Variants in KIAA1217 observed in about 807,000 individuals in gnomAD.
KIAA1217 encodes the protein sickle tail protein homolog.
In KIAA1217, 88 loss-of-function variants were observed where a neutral mutation model predicts 163.9. The observed-to-expected ratio is 0.54, with a 90% CI of 0.45 to 0.64. The LOEUF (loss-of-function observed/expected upper bound fraction) is 0.64, where lower values mean the gene tolerates loss of function less well. Among genes scored for constraint, KIAA1217 ranks in the 30% least tolerant of loss-of-function variants. The probability of loss-of-function intolerance (pLI) is 0.00; values close to 1 mark genes in which losing one functional copy is unlikely to be tolerated. For synonymous variants in KIAA1217, 903 were observed against 923.1 expected, an observed-to-expected ratio of 0.98 and a Z score of 0.39; for missense variants, 2,372 against 2,475.0, an observed-to-expected ratio of 0.96 and a Z score of 0.88.
At chr10:24,487,187 A>G (rs2065511060) in intron 6 of KIAA1217, among the ~76,000 whole-genome samples, 1 of 152,210 alleles carries the variant, frequency 6.6e-6, no homozygotes, top group African/African-American at 2.4e-5. Context: ...CTCACCTATT[A>G]TAAGAACTTG....
Position 23,811,289 on chromosome 10 carries a change from C to T in KIAA1217, c.-321+116055C>T, listed in dbSNP as rs572774572. Among the ~76,000 whole-genome samples, 37 of 143,646 alleles carry T rather than the reference C, an allele frequency of 2.6e-4. 1 individual carries two copies. Among genetic ancestry groups the T allele is most frequent in the African/African-American group, 9.4e-4 (37 of 39,290 alleles). 94.2% of individuals were successfully genotyped at this position (143,646 alleles called of 152,430 possible). A position where few individuals can be genotyped will look rare whatever the true frequency, so the allele number is the denominator to read the frequency against. Reference sequence around the variant, plus strand: ...GTATCTATATATAGATTATACATAGCATATATAGTATGTGTATATATTATA... The same window carrying T: ...GTATCTATATATAGATTATACATAGTATATATAGTATGTGTATATATTATA... On this transcript the variant is annotated intron_variant, in intron 1 of 18. Transcript: ENST00000376462.
chr10:24,495,323 ATTC>A (rs2066656014), intron 8 of KIAA1217, 127 bp downstream of exon 8: 1 of 663,338 alleles, frequency 1.5e-6, no homozygotes, highest in South Asian at 2.3e-5. Context: ...ATTCCTAGAT[ATTC>A]CTGCCAATAC....
intron 6 of KIAA1217, among the ~76,000 whole-genome samples, chr10:24,486,165 G>T (rs1392060405): frequency 6.6e-6 from 1 of 152,168 alleles, no homozygotes; most frequent in Non-Finnish European, 1.5e-5. Context: ...TCTCCCAAGA[G>T]GTCTCTCCAC....
chr10:23,938,913 A>C (rs1843644797), intron 1 of KIAA1217, among the ~76,000 whole-genome samples: 1 of 152,244 alleles, frequency 6.6e-6, no homozygotes, highest in South Asian at 2.1e-4. Flanking sequence ...ACCTGTAATG[A>C]GAAAAAATAC....
Position 24,487,566 on chromosome 10 carries a change from A to T in KIAA1217, c.1680-6934A>T, listed in dbSNP as rs940566319. On this transcript the variant is annotated intron_variant, in intron 6 of 20. Transcript: ENST00000376454. The stretch of plus-strand genomic sequence containing the variant: ...CTCATTGCCAGTTTTCATTCTGTCA[A>T]CACCTCAGTGAATTTATGAAGAAAG... Among the ~76,000 whole-genome samples, 3 of 152,224 alleles carry T rather than the reference A, an allele frequency of 2.0e-5. No individual in the cohort carries two copies. The South Asian group carries it at 6.2e-4, about 32-fold the overall frequency.
intron 2 of KIAA1217, among the ~76,000 whole-genome samples, chr10:24,319,524 A>G (rs1215879277): frequency 2.0e-5 from 3 of 152,224 alleles, no homozygotes; most frequent in Admixed American, 2.0e-4. Context: ...TGAAATTGGC[A>G]TAGGCGAGAA....
chr10:24,401,360 A>C (rs753569521), intron 3 of KIAA1217, among the ~76,000 whole-genome samples: 1 of 152,152 alleles, frequency 6.6e-6, no homozygotes, highest in Non-Finnish European at 1.5e-5. Context: ...TAAGCAAATC[A>C]GATTCATCAA....
chr10:24,460,078 T>C (rs773632392), intron 5 of KIAA1217, among the ~76,000 whole-genome samples: 2 of 152,262 alleles, frequency 1.3e-5, no homozygotes, highest in Non-Finnish European at 2.9e-5. Flanking sequence ...TCAGAGCCAC[T>C]GGCCTGGCCC....
At chr10:24,145,204 C>T (rs549883816) in intron 2 of KIAA1217, among the ~76,000 whole-genome samples, 4 of 152,272 alleles carry the variant, frequency 2.6e-5, no homozygotes, top group South Asian at 2.1e-4. Context: ...ACCCATTTCC[C>T]GCGGTCACAC....
chr10:24,505,230 C>T (rs1300885481), intron 9 of KIAA1217, among the ~76,000 whole-genome samples: 1 of 150,618 alleles, frequency 6.6e-6, no homozygotes, highest in East Asian at 1.9e-4. Flanking sequence ...CAATGCACCT[C>T]ATTCCCAGTG....
intron 2 of KIAA1217, among the ~76,000 whole-genome samples, chr10:24,319,743 T>C (rs1260254852): frequency 1.3e-5 from 2 of 152,202 alleles, no homozygotes; most frequent in African/African-American, 4.8e-5. Context: ...CAACTGGCCC[T>C]TGAAAGGAGC....
intron 2 of KIAA1217, among the ~76,000 whole-genome samples, chr10:24,139,290 T>A (rs1317450810): frequency 6.6e-6 from 1 of 152,132 alleles, no homozygotes; most frequent in African/African-American, 2.4e-5. Context: ...TAATTATACA[T>A]ACTCTAACTA....
chr10:24,456,101 G>T (rs1409222873), intron 5 of KIAA1217, among the ~76,000 whole-genome samples: 1 of 152,102 alleles, frequency 6.6e-6, no homozygotes, highest in Non-Finnish European at 1.5e-5. Context: ...GCCCAGGCTT[G>T]TTGCAAACTC....
chr10:24,158,007 G>T (rs139617380), intron 2 of KIAA1217: 1 of 764,864 alleles, frequency 1.3e-6, no homozygotes, highest in Non-Finnish European at 2.4e-6. Flanking sequence ...CCTTCAGTAG[G>T]AGTAGTGGAA....
chr10:24,142,908 T>C (rs1292009445), intron 2 of KIAA1217, among the ~76,000 whole-genome samples: 2 of 152,186 alleles, frequency 1.3e-5, no homozygotes, highest in East Asian at 3.9e-4. Context: ...ATTACCACTG[T>C]CAAAGACCAA....
At chr10:23,988,174 T>C (rs561900972) in intron 1 of KIAA1217, among the ~76,000 whole-genome samples, 1 of 152,328 alleles carries the variant, frequency 6.6e-6, no homozygotes, top group East Asian at 1.9e-4. Flanking sequence ...TCTAGAATCC[T>C]CTGCCAGGAG....
upstream of KIAA1217, among the ~76,000 whole-genome samples, chr10:24,205,994 C>T (rs2130554898): frequency 6.6e-6 from 1 of 152,280 alleles, no homozygotes; most frequent in South Asian, 2.1e-4. Flanking sequence ...CACCATTTGT[C>T]TTTACAGCAC....
intron 2 of KIAA1217, among the ~76,000 whole-genome samples, chr10:24,198,094 C>T (rs1436192530): frequency 6.6e-6 from 1 of 152,212 alleles, no homozygotes; most frequent in Non-Finnish European, 1.5e-5. Context: ...CCTTGGTAAA[C>T]CAGGTAACCC....
intron 5 of KIAA1217, among the ~76,000 whole-genome samples, chr10:24,464,319 C>T (rs1243825248): frequency 6.6e-6 from 1 of 152,072 alleles, no homozygotes; most frequent in Non-Finnish European, 1.5e-5. Context: ...TGCCCTGGAG[C>T]ATTTTGAAAG....
Sources: allele counts gnomAD v4.1 joint callset (sites outside exome capture counted in the v4.1 genomes callset), GRCh38; gene constraint gnomAD v4.1.1; transcripts MANE v1.5; gene names NCBI Gene and HGNC (gene_info 2026-07-23, HGNC 2026-07-21).